Variants in CEP295 observed in about 807,000 individuals in gnomAD.
CEP295 encodes centrosomal protein 295.
In CEP295, 190 loss-of-function variants were observed where a neutral mutation model predicts 291.6. That is an observed-to-expected ratio of 0.65 (90% CI 0.58 to 0.73). CEP295 has a LOEUF of 0.73. Ranked by LOEUF, CEP295 falls within the 30% of genes least tolerant of loss-of-function variation. The pLI is 0.00. For synonymous variants in CEP295, 993 were observed against 1,038.8 expected (o/e 0.96, Z 0.85); for missense variants, 2,863 against 2,949.4 (o/e 0.97, Z 0.68).
At chr11:93,725,949 G>A (rs1337171441) in intron 23 of CEP295, 118 bp downstream of exon 23, 3 of 714,282 alleles carry the variant, frequency 4.2e-6, no homozygotes, top group Non-Finnish European at 6.9e-6. Flanking sequence ...CCCCTATCCT[G>A]GGTGTTAAAA....
In CEP295 at chr11:93,724,330, A is replaced by C; in HGVS notation, c.6273A>C (p.Ser2091=). The C allele has an allele frequency of 1.3e-6, 2 of 1,550,332 alleles. No individual in the cohort carries two copies. The highest frequency in any genetic ancestry group is 1.7e-6 in the Non-Finnish European group (2 of 1,145,726). ...PLEPHPDFDL[S]SSSSGISPDN... is the part of the protein sequence containing the mutation. ...AACCACATCCAGATTTTGACTTATC[A>C]TCATCATCCTCTGGGATTTCTCCAG... is the stretch of plus-strand genomic sequence containing the variant. Residue 2091 remains serine (S), a synonymous_variant, in exon 22 of 30, where the codon TCA becomes TCC. Coordinates refer to ENST00000325212, the MANE Select transcript of CEP295 (RefSeq NM_033395.2).
Position 93,727,022 on chromosome 11 carries a change from G to A in CEP295, c.6546G>A (p.Gln2182=), listed in dbSNP as rs1954200791. ...AGCTTCAGCCAGAATATTCTTCACA[G>A]GAGGAGAGCCAGCATGCTGATCTAC... ...FEQLQPEYSS[Q]EESQHADLPS... Residue 2182 remains glutamine, a synonymous_variant, in exon 24 of 30, where the codon CAG becomes CAA. Transcript: ENST00000325212. The A allele has an allele frequency of 6.5e-7, 1 of 1,547,842 alleles. No individual in the cohort carries two copies. The highest frequency in any genetic ancestry group is 8.7e-7 in the Non-Finnish European group (1 of 1,145,732).
At chr11:93,677,157 A>G (rs1950734031) in intron 6 of CEP295, among the ~76,000 whole-genome samples, 1 of 152,120 alleles carries the variant, frequency 6.6e-6, no homozygotes, top group African/African-American at 2.4e-5. Context: ...TCAAGATAAA[A>G]TTACCTCTGA....
At chr11:93,670,244 A>C (rs1223557124) in intron 5 of CEP295, among the ~76,000 whole-genome samples, 4 of 152,222 alleles carry the variant, frequency 2.6e-5, no homozygotes, top group South Asian at 2.1e-4. Flanking sequence ...TTTACAGATA[A>C]GTTTCAGTTA....
chr11:93,702,858 G>A lies in CEP295; in HGVS notation c.5535G>A (p.Gln1845=). 6.4e-7 allele frequency: 1 copy of A among 1,551,600 alleles called. No homozygotes were observed. Among genetic ancestry groups the A allele is most frequent in the Non-Finnish European group, 8.7e-7 (1 of 1,146,812 alleles). Reference sequence around the variant, plus strand: ...TCAAATGTGGTTTGGACTTAAACCAGCATGAACTTAGTGCTATACAAGAAG... The same window carrying A: ...TCAAATGTGGTTTGGACTTAAACCAACATGAACTTAGTGCTATACAAGAAG... ...AKVKCGLDLN[Q]HELSAIQEVE... Residue 1845 remains glutamine, a synonymous_variant, in exon 17 of 30, where the codon CAG becomes CAA. Transcript: ENST00000325212.
At position 93,727,416 on chromosome 11, in the gene CEP295, C is replaced by G; in HGVS notation, c.6940C>G (p.Pro2314Ala). The G allele has an allele frequency of 6.4e-7, 1 of 1,551,642 alleles. No individual in the cohort carries two copies. The highest frequency in any genetic ancestry group is 8.7e-7 in the Non-Finnish European group (1 of 1,146,896). The change falls in exon 24 of 30, where the codon CCA (proline) becomes GCA (alanine). Residue 2314 changes from proline to alanine, a missense_variant. Physicochemically the swap from Pro to Ala is conservative, Grantham distance 27. Coordinates refer to ENST00000325212, the MANE Select transcript of CEP295 (RefSeq NM_033395.2). The part of the protein sequence containing the change: ...NETCRVLDIN[P>A]QVEETDSRLC... The stretch of plus-strand genomic sequence containing the variant: ...AACCTGTAGGGTTTTAGACATAAAT[C>G]CACAGGTAGAGGAAACTGACTCTCG...
chr11:93,713,748 ACT>A (rs1953062307), intron 18 of CEP295, among the ~76,000 whole-genome samples: 1 of 151,740 alleles, frequency 6.6e-6, no homozygotes, highest in South Asian at 2.1e-4. Flanking sequence ...CTTTGAACAA[ACT>A]CTATCCCTGT....
At chr11:93,691,831 A>G in intron 11 of CEP295, 56 bp downstream of exon 11, 2 of 1,304,278 alleles carry the variant, frequency 1.5e-6, no homozygotes, top group Non-Finnish European at 2.1e-6. Context: ...TCTTTTTTTT[A>G]AATAAAATTA....
At position 93,679,461 on chromosome 11, in the gene CEP295, T is replaced by G; in HGVS notation, c.674T>G (p.Leu225Arg). The G allele has an allele frequency of 1.3e-6, 2 of 1,551,496 alleles. No individual in the cohort carries two copies. The highest frequency in any genetic ancestry group is 1.7e-6 in the Non-Finnish European group (2 of 1,146,838). ...AEEEAKRLEE[L>R]QKQAAQERME... ...GAGGAAGCTAAACGATTGGAAGAAC[T>G]ACAAAAACAGGCAGCACAAGAGAGA... Residue 225 changes from leucine (L) to arginine (R), a missense_variant, in exon 7 of 30, where the codon CTA becomes CGA. Coordinates refer to ENST00000325212, the MANE Select transcript of CEP295 (RefSeq NM_033395.2).
chr11:93,662,591 ATAAT>A (rs1950038689), intron 1 of CEP295, among the ~76,000 whole-genome samples: 2 of 152,268 alleles, frequency 1.3e-5, no homozygotes, highest in South Asian at 4.1e-4. Context: ...CTAAGAATAA[ATAAT>A]TAATAAACAA....
rs1461784707 is a variant in CEP295 at position 93,669,762 on chromosome 11, CTT to C, written c.524_525del (p.Phe175Ter). 6.5e-7 allele frequency: 1 copy of C among 1,547,606 alleles called. No homozygotes were observed. Among genetic ancestry groups the C allele is most frequent in the Non-Finnish European group, 8.7e-7 (1 of 1,143,462 alleles). The part of the protein sequence containing the change: ...ITSLPPPPPT[L>X]FENIEVKRIS... ...AAGTCTGCCACCTCCTCCTCCAACTCTTTTTGAGGTGAGTTTGAGTATTAAGA... is the reference window on the plus strand; with the variant it reads ...AAGTCTGCCACCTCCTCCTCCAACTCTTTGAGGTGAGTTTGAGTATTAAGA... On this transcript the variant is annotated frameshift_variant, in exon 5 of 30. Coordinates refer to ENST00000325212, the MANE Select transcript of CEP295 (RefSeq NM_033395.2). LOFTEE classifies it high-confidence loss of function.
intron 9 of CEP295, among the ~76,000 whole-genome samples, chr11:93,686,795 A>C (rs979931040): frequency 6.6e-6 from 1 of 152,234 alleles, no homozygotes; most frequent in African/African-American, 2.4e-5. Context: ...AAGGTGGTAC[A>C]TTGACATATG....
Position 93,692,158 on chromosome 11 carries a change from A to G in CEP295, c.1533+128A>G, listed in dbSNP as rs1022305414. On this transcript the variant is annotated intron_variant, in intron 12 of 29. Transcript: ENST00000325212. ...TATCATGTTTTTGACATTGTCTTAC[A>G]CAAACATTCAGCTGATAAAATGCGT... 5 of 601,840 alleles carry G rather than the reference A, an allele frequency of 8.3e-6. No individual in the cohort carries two copies. In the African/African-American group the frequency reaches 9.3e-5, roughly 11 times the overall value. The allele number at this position is 601,840 out of a possible 1,614,324, so 37.3% of individuals were successfully genotyped here.
Position 93,699,342 on chromosome 11 carries a change from A to G in CEP295, c.4430A>G (p.Gln1477Arg), listed in dbSNP as rs777427120. Reference protein sequence around the residue: ...TDFLPSIEKTQKELVLSKPCK... With the variant: ...TDFLPSIEKTRKELVLSKPCK... ...TTCCTTCCTTCTATTGAGAAAACCC[A>G]GAAAGAATTGGTTTTGTCAAAACCA... is the stretch of plus-strand genomic sequence containing the variant. Residue 1477 changes from glutamine to arginine, a missense_variant, in exon 15 of 30, where the codon CAG (glutamine) becomes CGG (arginine). Gln to Arg is a conservative substitution (Grantham distance 43, BLOSUM62 1). Coordinates refer to ENST00000325212, the MANE Select transcript of CEP295 (RefSeq NM_033395.2). The G allele has an allele frequency of 1.3e-6, 2 of 1,552,140 alleles. No individual in the cohort carries two copies. The highest frequency in any genetic ancestry group is 1.4e-5 in the African/African-American group (1 of 73,178).
In CEP295 at chr11:93,698,950, T is replaced by C; in HGVS notation, c.4038T>C (p.Pro1346=). 6.4e-7 allele frequency: 1 copy of C among 1,551,364 alleles called. No individual in the cohort carries two copies. The highest frequency in any genetic ancestry group is 8.7e-7 in the Non-Finnish European group (1 of 1,146,984). The change falls in exon 15 of 30, where the codon CCT becomes CCC. Residue 1346 remains proline, a synonymous_variant. Transcript: ENST00000325212. ...RLLRISQLIQ[P]QQDNLKALQE... is the part of the protein sequence containing the mutation. ...TGAGGATATCGCAACTTATCCAGCC[T>C]CAACAAGATAATTTGAAGGCACTTC...
chr11:93,702,860 A>G lies in CEP295; in HGVS notation c.5537A>G (p.His1846Arg). 6.4e-7 allele frequency: 1 copy of G among 1,551,698 alleles called. No individual in the cohort carries two copies. Among genetic ancestry groups the G allele is most frequent in the Non-Finnish European group, 8.7e-7 (1 of 1,146,876 alleles). The change falls in exon 17 of 30, where the codon CAT (histidine) becomes CGT (arginine). Residue 1846 changes from histidine to arginine, a missense_variant. His to Arg is a conservative substitution (Grantham distance 29). Transcript: ENST00000325212. ...KVKCGLDLNQ[H>R]ELSAIQEVES... ...AAATGTGGTTTGGACTTAAACCAGC[A>G]TGAACTTAGTGCTATACAAGAAGTA... is the stretch of plus-strand genomic sequence containing the variant.
chr11:93,730,331 T>C lies in CEP295; in HGVS notation c.*62T>C, dbSNP rs1255179535. 28 of 1,157,766 alleles carry C rather than the reference T, an allele frequency of 2.4e-5. No homozygotes were observed. Among genetic ancestry groups the C allele is most frequent in the Admixed American group, 1.0e-4 (5 of 48,804 alleles). The allele number at this position is 1,157,766 out of a possible 1,614,324, so 71.7% of individuals were successfully genotyped here. A position where few individuals can be genotyped will look rare whatever the true frequency, so the allele number is the denominator to read the frequency against. ...ATATGTAGCATTAGACAAAATTATT[T>C]AAAGTCAATAAATTGTTATTCGAGG... On this transcript the variant is annotated 3_prime_UTR_variant, in exon 30 of 30. Coordinates refer to ENST00000325212, the MANE Select transcript of CEP295 (RefSeq NM_033395.2).
chr11:93,712,261 T>A lies in CEP295; in HGVS notation c.5749+5364T>A, dbSNP rs7929351. ...TGAAATTTTATTTATTTATTTATTT[T>A]TTTAAGACAGAGTCTCACTCTGTCA... is the stretch of plus-strand genomic sequence containing the variant. On this transcript the variant is annotated intron_variant, in intron 18 of 29. Coordinates refer to ENST00000325212, the MANE Select transcript of CEP295 (RefSeq NM_033395.2). Among the ~76,000 whole-genome samples the A allele has an allele frequency of 8.1e-3, 1,210 of 149,930 alleles. 21 individuals carry two copies. Among genetic ancestry groups the A allele is most frequent in the East Asian group, 0.053 (272 of 5,180 alleles).
chr11:93,663,871 T>A (rs932973594), intron 1 of CEP295, among the ~76,000 whole-genome samples: 9 of 152,200 alleles, frequency 5.9e-5, no homozygotes, highest in African/African-American at 1.9e-4. Flanking sequence ...AATCTAGGTA[T>A]ACCATTTGAG....
Sources: allele counts gnomAD v4.1 joint callset (sites outside exome capture counted in the v4.1 genomes callset), GRCh38; gene constraint gnomAD v4.1.1; transcripts MANE v1.5; gene names NCBI Gene and HGNC (gene_info 2026-07-23, HGNC 2026-07-21).